Variants in LSG1 observed in about 807,000 individuals in gnomAD.
LSG1 encodes the protein large subunit GTPase 1 homolog.
In LSG1, 55 loss-of-function variants were observed where a neutral mutation model predicts 82.6. That is an observed-to-expected ratio of 0.67 (90% confidence interval 0.54 to 0.83). The LOEUF (loss-of-function observed/expected upper bound fraction) is 0.83, where lower values mean the gene tolerates loss of function less well. LSG1 is among the 40% of genes least tolerant of loss of function. The probability of loss-of-function intolerance (pLI) is 0.00; values close to 1 mark genes in which losing one functional copy is unlikely to be tolerated. For synonymous variants in LSG1, 272 were observed against 282.5 expected, an observed-to-expected ratio of 0.96 and a Z score of 0.37; for missense variants, 809 against 807.9, an observed-to-expected ratio of 1.00 and a Z score of -0.02.
chr3:194,642,466 A>C (rs1312365322), intron 13 of LSG1, among the ~76,000 whole-genome samples: 1 of 148,008 alleles, frequency 6.8e-6, no homozygotes, highest in Non-Finnish European at 1.5e-5. Context: ...GTTTAGTCCC[A>C]TACTTTCAAA....
At chr3:194,669,881 A>T in intron 2 of LSG1, 128 bp downstream of exon 2, 1 of 1,075,716 alleles carries the variant, frequency 9.3e-7, no homozygotes, top group Non-Finnish European at 1.3e-6. Context: ...CAGTGAGCTG[A>T]TATCACGCCA....
At position 194,641,904 on chromosome 3, in the gene LSG1, G is replaced by A. The variant is rs1228291538; in HGVS notation, c.*164C>T. On this transcript the variant is annotated 3_prime_UTR_variant, in exon 14 of 14. Transcript: ENST00000265245. ...TTTTTGTCAGAGTTGGTGTTTCCAG[G>A]AGGCCCTTGGTCTTGACATGGAGAC... is the stretch of plus-strand genomic sequence containing the variant. 23 of 631,602 alleles carry A rather than the reference G, an allele frequency of 3.6e-5. No homozygotes were observed. The East Asian group carries it at 6.4e-4, about 18-fold the overall frequency. 39.1% of individuals were successfully genotyped at this position (631,602 alleles called of 1,614,324 possible).
In LSG1 at chr3:194,642,228, G is replaced by A. The variant is rs1167889960; in HGVS notation, c.1817C>T (p.Thr606Ile). 4.3e-6 allele frequency: 7 copies of A among 1,612,838 alleles called. No individual in the cohort carries two copies. Among genetic ancestry groups the A allele is most frequent in the Admixed American group, 1.7e-5 (1 of 59,626 alleles). Reference protein sequence around the residue: ...FFHQENVRALTKGVQAVMGYK... With the variant: ...FFHQENVRALIKGVQAVMGYK... ...ACCCATCACAGCCTGGACTCCTTTG[G>A]TCAAAGCCCTCACATTCTCCTAGGA... Residue 606 changes from threonine to isoleucine, a missense_variant, in exon 14 of 14, where the codon ACC becomes ATC. Physicochemically the swap from Thr to Ile is moderately conservative, Grantham distance 89 (BLOSUM62 -1). Coordinates refer to ENST00000265245, the MANE Select transcript of LSG1 (RefSeq NM_018385.3).
intron 11 of LSG1, among the ~76,000 whole-genome samples, chr3:194,647,321 A>G (rs2108615692): frequency 6.6e-6 from 1 of 152,324 alleles, no homozygotes; most frequent in South Asian, 2.1e-4. Context: ...CATTGGAAAA[A>G]ATGTGTAGCA....
chr3:194,669,962 G>C (rs530402617), intron 2 of LSG1, 47 bp downstream of exon 2: 1 of 1,579,158 alleles, frequency 6.3e-7, no homozygotes, highest in South Asian at 1.2e-5. Context: ...CTCAGCCCCA[G>C]ATGGAAATGT....
At chr3:194,662,805 C>A (rs1193645859) in intron 5 of LSG1, among the ~76,000 whole-genome samples, 1 of 152,082 alleles carries the variant, frequency 6.6e-6, no homozygotes. Flanking sequence ...CTGACTGGCT[C>A]TGGGGAAAAG....
At chr3:194,643,714 C>T (rs1370387488) in intron 13 of LSG1, among the ~76,000 whole-genome samples, 2 of 152,082 alleles carry the variant, frequency 1.3e-5, no homozygotes, top group Non-Finnish European at 2.9e-5. Context: ...TCAAGAGAGA[C>T]GAAATCCATG....
At chr3:194,671,526 CTTCA>C (rs1719139011) in intron 1 of LSG1, among the ~76,000 whole-genome samples, 1 of 152,064 alleles carries the variant, frequency 6.6e-6, no homozygotes, top group African/African-American at 2.4e-5. Flanking sequence ...AGCCAAATCA[CTTCA>C]TTCATTTTTT....
chr3:194,653,258 T>C, intron 7 of LSG1, 116 bp from the exon 8 acceptor site: 4 of 1,071,006 alleles, frequency 3.7e-6, no homozygotes, highest in Non-Finnish European at 4.1e-6. Context: ...CTCAAGCCTG[T>C]AATCCCAGCA....
chr3:194,654,184 A>C (rs1208500819), intron 7 of LSG1, among the ~76,000 whole-genome samples: 2 of 152,292 alleles, frequency 1.3e-5, no homozygotes, highest in African/African-American at 4.8e-5. Flanking sequence ...GCACACACAG[A>C]TCCCTGTGTG....
chr3:194,654,574 A>G (rs1705993), intron 7 of LSG1, among the ~76,000 whole-genome samples: 68,920 of 152,052 alleles, frequency 0.45, 16,355 homozygotes, highest in Non-Finnish European at 0.53. Context: ...ACTGGAAGCA[A>G]TTTCTATGGT....
At chr3:194,660,166 G>T (rs199566392) in intron 5 of LSG1, 33 bp from the exon 6 acceptor site, 2 of 1,579,030 alleles carry the variant, frequency 1.3e-6, no homozygotes, top group Non-Finnish European at 1.7e-6. Context: ...ACCAATCACC[G>T]TGAAGTGAAA....
chr3:194,660,175 A>G (rs756633849), intron 5 of LSG1, 42 bp from the exon 6 acceptor site: 1 of 1,529,074 alleles, frequency 6.5e-7, no homozygotes, highest in Non-Finnish European at 9.1e-7. Context: ...CGTGAAGTGA[A>G]AGGGATTTTA....
chr3:194,648,334 C>T (rs1366592567), intron 11 of LSG1, among the ~76,000 whole-genome samples: 1 of 152,116 alleles, frequency 6.6e-6, no homozygotes, highest in African/African-American at 2.4e-5. Context: ...GTGCTCCCCT[C>T]CTAACTCTCC....
At chr3:194,658,690 A>G (rs1264033004) in intron 7 of LSG1, among the ~76,000 whole-genome samples, 1 of 152,102 alleles carries the variant, frequency 6.6e-6, no homozygotes, top group South Asian at 2.1e-4. Context: ...CTTCCTATAC[A>G]ATTTCCTGTC....
rs556750740 is a variant in LSG1, at chr3:194,641,453, C to G, written c.*615G>C. 1 of 152,272 alleles carries G rather than the reference C, an allele frequency of 6.6e-6. No individual in the cohort carries two copies. The highest frequency in any genetic ancestry group is 6.5e-5 in the Admixed American group (1 of 15,296). 9.4% of individuals were successfully genotyped at this position (152,272 alleles called of 1,614,324 possible). On this transcript the variant is annotated 3_prime_UTR_variant, in exon 14 of 14. Coordinates refer to ENST00000265245, the MANE Select transcript of LSG1 (RefSeq NM_018385.3). ...GTAAATACCGCAGCTTCCCTGTCAC[C>G]CGGTGGTTACATTCTACATGTTCCT...
Position 194,644,574 on chromosome 3 carries a change from T to A in LSG1, c.1796A>T (p.Gln599Leu), listed in dbSNP as rs1476501152. The change falls in exon 13 of 14, where the codon CAA (glutamine) becomes CTA (leucine). Residue 599 changes from glutamine (Q) to leucine (L), a missense_variant and splice_region_variant. Gln to Leu is a moderately radical substitution (Grantham distance 113, BLOSUM62 -2). Transcript: ENST00000265245. ...ENIVDKTFFH[Q>L]ENVRALTKGV... ...TTTAAGAAAAGCTTTAAAACTTACT[T>A]GATGGAAAAAAGTTTTGTCAACGAT... 6.2e-7 allele frequency: 1 copy of A among 1,609,348 alleles called. No individual in the cohort carries two copies. Among genetic ancestry groups the A allele is most frequent in the African/African-American group, 1.3e-5 (1 of 74,640 alleles).
At chr3:194,650,657 G>GAGT in intron 10 of LSG1, 1 of 426,630 alleles carries the variant, frequency 2.3e-6, no homozygotes, top group African/African-American at 2.0e-5. Flanking sequence ...ACTTGGAACT[G>GAGT]AGTATCTGAA....
chr3:194,644,759 C>T lies in LSG1; in HGVS notation c.1624-13G>A, dbSNP rs769376478. 2.5e-6 allele frequency: 4 copies of T among 1,596,050 alleles called. No homozygotes were observed. Among genetic ancestry groups the T allele is most frequent in the Admixed American group, 1.7e-5 (1 of 57,906 alleles). On this transcript the variant is annotated splice_polypyrimidine_tract_variant and intron_variant, in intron 12 of 13. Transcript: ENST00000265245. Reference sequence around the variant, plus strand: ...ACAGCAGCTTACCCTACAAAGACAACATGAATGACAACAGTGCAGCCTAAG... The same window carrying T: ...ACAGCAGCTTACCCTACAAAGACAATATGAATGACAACAGTGCAGCCTAAG...
Sources: gnomAD v4.1 joint callset for allele counts (sites outside exome capture counted in the v4.1 genomes callset) on GRCh38, gnomAD v4.1.1 for gene constraint, MANE v1.5 for transcripts, NCBI Gene and HGNC (gene_info 2026-07-23, HGNC 2026-07-21) for gene names.